Variants in BBS7 observed in about 807,000 individuals in gnomAD.
The protein encoded by BBS7 is BBSome complex member BBS7.
A neutral mutation model predicts 90.3 loss-of-function variants in BBS7; 50 were observed. The ratio of observed to expected loss-of-function variants is 0.55; its 90% CI spans 0.44 to 0.70. BBS7 has a LOEUF of 0.70. Among genes scored for constraint, BBS7 ranks in the 30% least tolerant of loss-of-function variants. BBS7 has a pLI of 0.00. For synonymous variants in BBS7, 235 were observed against 287.4 expected (o/e 0.82, Z 1.85); for missense variants, 729 against 838.9 (o/e 0.87, Z 1.62).
rs371729691 is a variant in BBS7 at position 121,837,007 on chromosome 4, TGAA to T, written c.1372-1727_1372-1725del. 2.4e-4 allele frequency among the ~76,000 whole-genome samples: 36 copies of T among 152,164 alleles called. 1 individual carries two copies. The highest frequency in any genetic ancestry group is 2.3e-3 in the South Asian group (11 of 4,818). The stretch of plus-strand genomic sequence containing the variant: ...TAGAGTCTCACTCCATTGCCCAAGC[TGAA>T]GTACAGTGGCACAATCTCAGCTCAC... On this transcript the variant is annotated intron_variant, in intron 13 of 18. Coordinates refer to ENST00000264499, the MANE Select transcript of BBS7 (RefSeq NM_176824.3).
At chr4:121,845,741 T>A in intron 10 of BBS7, 45 bp from the exon 11 acceptor site, 1 of 1,518,512 alleles carries the variant, frequency 6.6e-7, no homozygotes, top group Non-Finnish European at 9.1e-7. Context: ...AGTATAAACA[T>A]TTGAGGTCGT....
chr4:121,837,442 T>C (rs1725514641), intron 13 of BBS7, among the ~76,000 whole-genome samples: 2 of 152,204 alleles, frequency 1.3e-5, no homozygotes, highest in African/African-American at 4.8e-5. Context: ...ATTTTTTATA[T>C]ATGGCTTAAG....
rs1724979919 is a variant in BBS7 at position 121,827,832 on chromosome 4, T to TG, written c.2014+313_2014+314insC. The TG allele has an allele frequency of 4.0e-6, 4 of 1,011,050 alleles. No individual in the cohort carries two copies. In the South Asian group the frequency reaches 1.6e-4, roughly 40 times the overall value. The allele number at this position is 1,011,050 out of a possible 1,614,324, so 62.6% of individuals were successfully genotyped here. On this transcript the variant is annotated intron_variant, in intron 18 of 18. Coordinates refer to ENST00000264499, the MANE Select transcript of BBS7 (RefSeq NM_176824.3). ...ACAATTATTTGTGTGAAATACAGTC[T>TG]AAGCTCTAAAGGTTCATAGATTACA...
In BBS7 at chr4:121,859,068, A is replaced by G; in HGVS notation, c.452T>C (p.Ile151Thr). The change falls in exon 5 of 19, where the codon ATC becomes ACC. Residue 151 changes from isoleucine (I) to threonine (T), a missense_variant. Ile to Thr is a moderately conservative substitution (Grantham distance 89, BLOSUM62 -1). Coordinates refer to ENST00000264499, the MANE Select transcript of BBS7 (RefSeq NM_176824.3). The part of the protein sequence containing the change: ...YLSGDKINDV[I>T]CLPVERLSRI... Reference sequence around the variant, plus strand: ...AGATAATCTTTCCACTGGAAGGCAGATCACATCATTGATTTTATCCCCAGA... The same window carrying G: ...AGATAATCTTTCCACTGGAAGGCAGGTCACATCATTGATTTTATCCCCAGA... 6.2e-7 allele frequency: 1 copy of G among 1,614,010 alleles called. No homozygotes were observed. Among genetic ancestry groups the G allele is most frequent in the East Asian group, 2.2e-5 (1 of 44,842 alleles).
chr4:121,832,045 A>ACACACACACAC (rs1725215862), intron 15 of BBS7, among the ~76,000 whole-genome samples: 1 of 100,408 alleles, frequency 1.0e-5, no homozygotes, highest in African/African-American at 5.3e-5. Context: ...CACACACACA[A>ACACACACACAC]AACAAACAAC....
chr4:121,828,529 G>T, intron 16 of BBS7, 24 bp from the exon 17 acceptor site: 1 of 1,579,260 alleles, frequency 6.3e-7, no homozygotes, highest in Non-Finnish European at 8.7e-7. Context: ...ACCAGATGCA[G>T]TTAGATAAAT....
rs1394015094 is a variant in BBS7, at chr4:121,833,250, G to C, written c.1657C>G (p.Gln553Glu). ...FYFQNTFLDTQLESTYRKGEG... is the reference protein window; with the variant it reads ...FYFQNTFLDTELESTYRKGEG... ...ATTTACCTGTAGGTACTTTCAAGTT[G>C]TGTATCTAGAAAGGTGTTCTGAAAG... Residue 553 changes from glutamine to glutamate, a missense_variant, in exon 15 of 19, where the codon CAA becomes GAA. By Grantham distance (29) the Gln-to-Glu change is conservative (BLOSUM62 2). Coordinates refer to ENST00000264499, the MANE Select transcript of BBS7 (RefSeq NM_176824.3). The C allele has an allele frequency of 6.2e-7, 1 of 1,613,758 alleles. No individual in the cohort carries two copies. The highest frequency in any genetic ancestry group is 1.1e-5 in the South Asian group (1 of 91,088).
chr4:121,853,291 C>T (rs1726422713), intron 7 of BBS7, among the ~76,000 whole-genome samples: 1 of 152,124 alleles, frequency 6.6e-6, no homozygotes, highest in Non-Finnish European at 1.5e-5. Flanking sequence ...ACGGCCCCTA[C>T]ATTTATATCT....
chr4:121,858,881 T>C (rs1429318057), intron 5 of BBS7, 111 bp downstream of exon 5: 4 of 996,450 alleles, frequency 4.0e-6, no homozygotes, highest in Non-Finnish European at 6.0e-6. Context: ...TGTTTCCACA[T>C]GTTTATAAAA....
chr4:121,838,745 A>T (rs1344146477), intron 13 of BBS7, among the ~76,000 whole-genome samples: 1 of 151,922 alleles, frequency 6.6e-6, no homozygotes, highest in East Asian at 1.9e-4. Flanking sequence ...AAGTACAAAA[A>T]TTAGCCAGGT....
intron 5 of BBS7, among the ~76,000 whole-genome samples, chr4:121,856,148 A>G (rs1264528664): frequency 6.6e-6 from 1 of 152,222 alleles, no homozygotes. Flanking sequence ...AACTTGGAAT[A>G]CATCCAAATA....
At chr4:121,845,447 G>T in intron 11 of BBS7, 57 bp downstream of exon 11, 1 of 1,250,964 alleles carries the variant, frequency 8.0e-7, no homozygotes, top group South Asian at 1.2e-5. Flanking sequence ...TAGTACATAT[G>T]ACTGGTTTGC....
chr4:121,835,247 C>T lies in BBS7; in HGVS notation c.1408G>A (p.Ala470Thr), dbSNP rs1214474974. Residue 470 changes from alanine (A) to threonine (T), a missense_variant, in exon 14 of 19, where the codon GCA (alanine) becomes ACA (threonine). Ala to Thr is a moderately conservative substitution (Grantham distance 58). Coordinates refer to ENST00000264499, the MANE Select transcript of BBS7 (RefSeq NM_176824.3). ...SIEGQYGTLQ[A>T]YVTPRIQPKT... ...GGTTGAATTCTTGGAGTCACATATG[C>T]TTGTAGTGTGCCATACTGGCCTTCA... 5.6e-6 allele frequency: 9 copies of T among 1,613,768 alleles called. No homozygotes were observed. Among genetic ancestry groups the T allele is most frequent in the Non-Finnish European group, 7.6e-6 (9 of 1,179,816 alleles).
chr4:121,855,485 T>C lies in BBS7; in HGVS notation c.601+4A>G. 1 of 1,612,402 alleles carries C rather than the reference T, an allele frequency of 6.2e-7. No homozygotes were observed. The highest frequency in any genetic ancestry group is 8.5e-7 in the Non-Finnish European group (1 of 1,178,614). On this transcript the variant is annotated splice_donor_region_variant and intron_variant, in intron 6 of 18. Transcript: ENST00000264499. ...TGATTTGTGAAAAATAAAATCCTGA[T>C]TACCGCCATTTCCATTGTGTAGTGC...
At chr4:121,854,931 A>T in intron 6 of BBS7, 111 bp from the exon 7 acceptor site, 1 of 1,036,812 alleles carries the variant, frequency 9.6e-7, no homozygotes, top group South Asian at 1.5e-5. Flanking sequence ...ATAAAAAGAT[A>T]TAAAACTTAA....
chr4:121,861,700 A>G (rs755611896), intron 3 of BBS7, 21 bp from the exon 4 acceptor site: 1 of 1,613,170 alleles, frequency 6.2e-7, no homozygotes. Flanking sequence ...TCATTCAGGA[A>G]AAAAGTACAC....
chr4:121,855,624 G>A, intron 5 of BBS7, 63 bp from the exon 6 acceptor site: 2 of 1,354,150 alleles, frequency 1.5e-6, no homozygotes, highest in Non-Finnish European at 2.1e-6. Context: ...AGGCATTCAT[G>A]AATAACATCA....
At chr4:121,852,531 A>G (rs1366856959) in intron 8 of BBS7, among the ~76,000 whole-genome samples, 1 of 152,032 alleles carries the variant, frequency 6.6e-6, no homozygotes, top group South Asian at 2.1e-4. Flanking sequence ...GGTAGGAGTG[A>G]AACTGCTACT....
In BBS7 at chr4:121,867,987, T is replaced by C; in HGVS notation, c.96A>G (p.Thr32=). ...KLIPASRHRA[T]QKVVIGDHDG... ...ATCAGAATCTATACAGTACCTTTTG[T>C]GTAGCTCTGTGTCTTGAGGCAGGAA... is the stretch of plus-strand genomic sequence containing the variant. The change falls in exon 2 of 19, where the codon ACA becomes ACG. Residue 32 remains threonine, a synonymous_variant. Transcript: ENST00000264499. 6.2e-7 allele frequency: 1 copy of C among 1,612,748 alleles called. No individual in the cohort carries two copies. Among genetic ancestry groups the C allele is most frequent in the Non-Finnish European group, 8.5e-7 (1 of 1,178,870 alleles).
Sources: allele counts gnomAD v4.1 joint callset (sites outside exome capture counted in the v4.1 genomes callset), GRCh38; gene constraint gnomAD v4.1.1; transcripts MANE v1.5; gene names NCBI Gene and HGNC (gene_info 2026-07-23, HGNC 2026-07-21).